The following VDR variants were observed in gnomAD, a reference collection of about 807,000 sequenced individuals.
The protein encoded by VDR is vitamin D receptor.
Under a neutral mutation model 39.7 loss-of-function variants are expected in VDR, and 19 were observed. The ratio of observed to expected loss-of-function variants is 0.48; its 90% CI spans 0.33 to 0.70. VDR has a LOEUF of 0.70. Among genes scored for constraint, VDR ranks in the 30% least tolerant of loss-of-function variants. VDR has a pLI of 0.02. For synonymous variants in VDR, 242 were observed against 215.8 expected (o/e 1.12, Z -1.07); for missense variants, 442 against 570.5 (o/e 0.77, Z 2.29).
At chr12:47,870,962 AC>A (rs1430145298) in intron 3 of VDR, among the ~76,000 whole-genome samples, 1 of 152,182 alleles carries the variant, frequency 6.6e-6, no homozygotes, top group Non-Finnish European at 1.5e-5. Context: ...GAATAAAAAG[AC>A]CTACATCAAA....
rs1307414364 is a variant in VDR, at chr12:47,890,376, T to TA, written c.-83-7603_-83-7602insT. Among the ~76,000 whole-genome samples the TA allele has an allele frequency of 4.4e-4, 58 of 133,050 alleles. 2 individuals carry two copies. The South Asian group carries it at 0.011, about 25-fold the overall frequency. The allele number at this position is 133,050 out of a possible 152,430, so 87.3% of individuals were successfully genotyped here. A position where few individuals can be genotyped will look rare whatever the true frequency, so the allele number is the denominator to read the frequency against. On this transcript the variant is annotated intron_variant, in intron 1 of 9. Transcript: ENST00000549336. ...TATATATTATGTATGTAATATATATTTTATATATATATATATATATAAATC... is the reference window on the plus strand; with the variant it reads ...TATATATTATGTATGTAATATATATTATTATATATATATATATATATAAATC...
At chr12:47,889,111 T>C (rs968260699) in intron 1 of VDR, among the ~76,000 whole-genome samples, 1 of 152,068 alleles carries the variant, frequency 6.6e-6, no homozygotes, top group African/African-American at 2.4e-5. Flanking sequence ...TATACTCCCT[T>C]ACTGCGTGGC....
chr12:47,890,872 G>A (rs191930622), intron 1 of VDR, among the ~76,000 whole-genome samples: 266 of 152,306 alleles, frequency 1.7e-3, no homozygotes, highest in Middle Eastern at 3.4e-3. Context: ...AGTGTGACAT[G>A]TGCAGGAGGG....
intron 3 of VDR, among the ~76,000 whole-genome samples, chr12:47,870,332 C>T (rs1392858936): frequency 6.6e-6 from 1 of 152,210 alleles, no homozygotes; most frequent in Non-Finnish European, 1.5e-5. Flanking sequence ...CTGCCTTCCT[C>T]CCAATACTAA....
At chr12:47,866,316 C>T (rs942738119) in intron 3 of VDR, among the ~76,000 whole-genome samples, 8 of 151,754 alleles carry the variant, frequency 5.3e-5, no homozygotes, top group Admixed American at 1.3e-4. Flanking sequence ...ACTGTGGTCT[C>T]GATCTCCTGA....
chr12:47,892,433 C>T (rs1406617380), intron 1 of VDR, among the ~76,000 whole-genome samples: 1 of 152,210 alleles, frequency 6.6e-6, no homozygotes, highest in Non-Finnish European at 1.5e-5. Flanking sequence ...TTCCCCCTAA[C>T]AAGCTTTTCC....
chr12:47,890,327 T>C (rs11612293), intron 1 of VDR, among the ~76,000 whole-genome samples: 12 of 148,036 alleles, frequency 8.1e-5, no homozygotes, highest in African/African-American at 3.0e-4. Context: ...TTTTGTATTT[T>C]ACATATATGT....
In VDR at chr12:47,881,102, G is replaced by GTATATA. The variant is rs576567216; in HGVS notation, c.-3+1591_-3+1592insTATATA. 2.9e-5 allele frequency among the ~76,000 whole-genome samples: 3 copies of GTATATA among 102,894 alleles called. No homozygotes were observed. The South Asian group carries it at 8.2e-4, about 28-fold the overall frequency. The allele number at this position is 102,894 out of a possible 152,430, so 67.5% of individuals were successfully genotyped here. ...GAAAATACAGTATATGTGTGTGTGTGTGTATATATATATATATACACACAC... is the reference window on the plus strand; with the variant it reads ...GAAAATACAGTATATGTGTGTGTGTGTATATATGTATATATATATATATACACACAC... On this transcript the variant is annotated intron_variant, in intron 2 of 9. Coordinates refer to ENST00000549336, the MANE Select transcript of VDR (RefSeq NM_000376.3).
intron 7 of VDR, among the ~76,000 whole-genome samples, chr12:47,851,396 C>T (rs1156828633): frequency 6.6e-6 from 1 of 152,122 alleles, no homozygotes; most frequent in Non-Finnish European, 1.5e-5. Context: ...CACACTGTAG[C>T]ACAGTTCACA....
At chr12:47,897,252 T>C (rs1473182603) in intron 1 of VDR, among the ~76,000 whole-genome samples, 5 of 152,228 alleles carry the variant, frequency 3.3e-5, no homozygotes, top group East Asian at 1.9e-4. Context: ...CTGAACATAG[T>C]ACCTGGAACA....
intron 3 of VDR, among the ~76,000 whole-genome samples, chr12:47,873,555 G>A (rs1945934826): frequency 1.3e-5 from 2 of 150,566 alleles, no homozygotes; most frequent in South Asian, 4.2e-4. Context: ...TAGAGACGGG[G>A]TTTCACCGTG....
chr12:47,890,802 A>G (rs1227827141), intron 1 of VDR, among the ~76,000 whole-genome samples: 2 of 152,308 alleles, frequency 1.3e-5, no homozygotes, highest in African/African-American at 4.8e-5. Flanking sequence ...GGCTAAAATG[A>G]AAATGGGAGC....
intron 3 of VDR, chr12:47,878,767 T>C (rs979906628): frequency 1.2e-6 from 1 of 846,288 alleles, no homozygotes; most frequent in African/African-American, 1.7e-5. Context: ...TCCAAGAGAG[T>C]CAGAGGAACA....
At chr12:47,887,132 C>T (rs1375404261) in intron 1 of VDR, among the ~76,000 whole-genome samples, 1 of 151,670 alleles carries the variant, frequency 6.6e-6, no homozygotes, top group Admixed American at 6.6e-5. Context: ...GCTAACATGG[C>T]GAAACCCTGT....
At chr12:47,855,195 G>T (rs1233520122) in intron 7 of VDR, among the ~76,000 whole-genome samples, 1 of 152,108 alleles carries the variant, frequency 6.6e-6, no homozygotes, top group Non-Finnish European at 1.5e-5. Flanking sequence ...GGGCTTGGTG[G>T]CCCACACCTG....
At chr12:47,895,388 A>C (rs1400903372) in intron 1 of VDR, among the ~76,000 whole-genome samples, 2 of 152,184 alleles carry the variant, frequency 1.3e-5, no homozygotes, top group Admixed American at 1.3e-4. Flanking sequence ...CTGAGAAGAC[A>C]GAGTATGGGA....
chr12:47,861,771 T>G (rs1945630394), intron 4 of VDR, among the ~76,000 whole-genome samples: 1 of 152,216 alleles, frequency 6.6e-6, no homozygotes, highest in Non-Finnish European at 1.5e-5. Flanking sequence ...CCTTGCTGAG[T>G]GTGAAATAAT....
Position 47,844,801 on chromosome 12 carries a change from C to A in VDR, c.1229G>T (p.Cys410Phe), listed in dbSNP as rs1945243453. 1 of 1,614,190 alleles carries A rather than the reference C, an allele frequency of 6.2e-7. No homozygotes were observed. Among genetic ancestry groups the A allele is most frequent in the Non-Finnish European group, 8.5e-7 (1 of 1,180,020 alleles). Residue 410 changes from cysteine (C) to phenylalanine (F), a missense_variant, in exon 10 of 10, where the codon TGC (cysteine) becomes TTC (phenylalanine). By Grantham distance (205) the Cys-to-Phe change is radical. Coordinates refer to ENST00000549336, the MANE Select transcript of VDR (RefSeq NM_000376.3). Reference sequence around the variant, plus strand: ...CACAAGGGGCGTTAGCTTCATGCTGCACTCAGGCTGGAAGGAGAGGCAGCG... The same window carrying A: ...CACAAGGGGCGTTAGCTTCATGCTGAACTCAGGCTGGAAGGAGAGGCAGCG... ...QYRCLSFQPE[C>F]SMKLTPLVLE...
chr12:47,845,044 T>C, intron 9 of VDR, 39 bp from the exon 10 acceptor site: 1 of 1,604,046 alleles, frequency 6.2e-7, no homozygotes, highest in Non-Finnish European at 8.5e-7. Flanking sequence ...ACAGGAGCTC[T>C]CAGCTGGGCC....
Sources: allele counts gnomAD v4.1 joint callset (sites outside exome capture counted in the v4.1 genomes callset), GRCh38; gene constraint gnomAD v4.1.1; transcripts MANE v1.5; gene names NCBI Gene and HGNC (gene_info 2026-07-23, HGNC 2026-07-21).